Variants in GLYR1 observed in about 807,000 individuals in gnomAD.
The protein encoded by GLYR1 is glyoxylate reductase 1 homolog, also known as cytokine-like nuclear factor N-PAC.
GLYR1 carries 21 observed loss-of-function variants against 72.7 expected under a neutral mutation model. The observed-to-expected ratio is 0.29, with a 90% confidence interval of 0.20 to 0.42. The LOEUF (loss-of-function observed/expected upper bound fraction) is 0.42, where lower values mean the gene tolerates loss of function less well. GLYR1 is among the 10% of genes least tolerant of loss of function. The probability of loss-of-function intolerance (pLI) is 1.00; values close to 1 mark genes in which losing one functional copy is unlikely to be tolerated. For synonymous variants in GLYR1, 392 were observed against 270.2 expected (o/e 1.45, Z -4.42); for missense variants, 594 against 712.1 (o/e 0.83, Z 1.89).
At chr16:4,837,932 A>AACAT (rs766462427) in intron 3 of GLYR1, among the ~76,000 whole-genome samples, 38 of 142,512 alleles carry the variant, frequency 2.7e-4, no homozygotes, top group South Asian at 1.1e-3. Context: ...TCCATCTCAA[A>AACAT]AAATAAATAA....
At chr16:4,811,353 ACGGTCC>A in intron 14 of GLYR1, 59 bp from the exon 15 acceptor site, 1 of 1,603,552 alleles carries the variant, frequency 6.2e-7, no homozygotes, top group Non-Finnish European at 8.5e-7. Flanking sequence ...AAAACTACTT[ACGGTCC>A]ACCAGGTGTC....
intron 15 of GLYR1, among the ~76,000 whole-genome samples, chr16:4,809,700 G>A (rs2083216051): frequency 6.6e-6 from 1 of 151,124 alleles, no homozygotes; most frequent in East Asian, 1.9e-4. Flanking sequence ...GAGGTGGACG[G>A]ATCACCTGAG....
chr16:4,807,959 C>T (rs1007187941), intron 15 of GLYR1, among the ~76,000 whole-genome samples: 3 of 152,052 alleles, frequency 2.0e-5, no homozygotes, highest in Non-Finnish European at 2.9e-5. Context: ...AACAAGGCTG[C>T]ATGCGGTGGC....
chr16:4,841,173 G>C (rs914511304), intron 3 of GLYR1, among the ~76,000 whole-genome samples: 15 of 152,044 alleles, frequency 9.9e-5, no homozygotes, highest in Non-Finnish European at 1.6e-4. Flanking sequence ...CACCATCCAG[G>C]CTATTTTTGT....
chr16:4,820,006 G>T (rs1399798630), intron 9 of GLYR1, among the ~76,000 whole-genome samples: 1 of 152,184 alleles, frequency 6.6e-6, no homozygotes, highest in Non-Finnish European at 1.5e-5. Flanking sequence ...TAAAGCTTCT[G>T]GATTTTTTTG....
intron 5 of GLYR1, among the ~76,000 whole-genome samples, chr16:4,828,861 G>C (rs1038337853): frequency 3.3e-5 from 5 of 152,014 alleles, no homozygotes; most frequent in Non-Finnish European, 5.9e-5. Flanking sequence ...CCTCTCCTTT[G>C]TACTTCCCTT....
intron 3 of GLYR1, among the ~76,000 whole-genome samples, chr16:4,838,272 C>T (rs1018760359): frequency 6.6e-6 from 1 of 152,194 alleles, no homozygotes; most frequent in African/African-American, 2.4e-5. Context: ...ACTTTCAGTA[C>T]TGACTCAGAC....
intron 2 of GLYR1, among the ~76,000 whole-genome samples, 174 bp from the exon 3 acceptor site, chr16:4,845,327 A>C (rs560945912): frequency 3.3e-5 from 5 of 152,326 alleles, no homozygotes; most frequent in Admixed American, 2.6e-4. Context: ...TACTTGTCTA[A>C]ATCTCCCATT....
rs574400870 is a variant in GLYR1, at chr16:4,831,359, C to T, written c.537+620G>A. 6.6e-4 allele frequency among the ~76,000 whole-genome samples: 100 copies of T among 152,304 alleles called. 1 individual carries two copies. The highest frequency in any genetic ancestry group is 2.3e-3 in the African/African-American group (95 of 41,570). On this transcript the variant is annotated intron_variant, in intron 5 of 15. Transcript: ENST00000321919. ...CACTGGCTCAGTCACCTTCCCGGGC[C>T]CCCACTGACTCCAAGACGCTTTAGT...
intron 9 of GLYR1, 91 bp from the exon 10 acceptor site, chr16:4,817,788 C>T: frequency 1.2e-6 from 1 of 820,246 alleles, no homozygotes; most frequent in Non-Finnish European, 2.1e-6. Context: ...CTCCCTTATA[C>T]AGCTTGGGGT....
intron 9 of GLYR1, chr16:4,818,002 C>CTTT (rs61285093): frequency 1.5e-3 from 322 of 219,638 alleles, no homozygotes; most frequent in Middle Eastern, 3.3e-3. Context: ...CCTTGCTGCC[C>CTTT]TTTTTTTTTT....
At chr16:4,825,255 C>T (rs377475094) in intron 5 of GLYR1, among the ~76,000 whole-genome samples, 20 of 152,284 alleles carry the variant, frequency 1.3e-4, no homozygotes, top group African/African-American at 4.1e-4. Flanking sequence ...CAAGTTCTGC[C>T]GTCTCCCACC....
chr16:4,831,447 G>A (rs1403408781), intron 5 of GLYR1, among the ~76,000 whole-genome samples: 1 of 151,980 alleles, frequency 6.6e-6, no homozygotes, highest in Non-Finnish European at 1.5e-5. Flanking sequence ...CCTTTTTCTC[G>A]GCTTTCCTCA....
intron 3 of GLYR1, among the ~76,000 whole-genome samples, chr16:4,834,295 C>CTTTT (rs778256795): frequency 3.5e-4 from 42 of 118,342 alleles, no homozygotes; most frequent in African/African-American, 9.9e-4. Flanking sequence ...AGGCAAATTC[C>CTTTT]TTTTTTTTTT....
chr16:4,822,448 C>T (rs1031736137), intron 7 of GLYR1, among the ~76,000 whole-genome samples: 1 of 151,204 alleles, frequency 6.6e-6, no homozygotes, highest in African/African-American at 2.4e-5. Context: ...TGGAGTGCAG[C>T]GACGCAATCT....
At chr16:4,831,189 T>C (rs972012962) in intron 5 of GLYR1, among the ~76,000 whole-genome samples, 2 of 152,198 alleles carry the variant, frequency 1.3e-5, no homozygotes, top group African/African-American at 4.8e-5. Flanking sequence ...GAACTCTTCC[T>C]CTGAAGTGCC....
chr16:4,843,594 TG>T (rs1415663084), intron 3 of GLYR1: 1 of 1,289,170 alleles, frequency 7.8e-7, no homozygotes, highest in South Asian at 1.2e-5. Context: ...GAAATGGGGC[TG>T]GGTCTATCTG....
rs78672035 is a variant in GLYR1, at chr16:4,806,126, G to A, written c.1588-816C>T. Among the ~76,000 whole-genome samples, 519 of 152,312 alleles carry A rather than the reference G, an allele frequency of 3.4e-3. 2 individuals are homozygous for A. The highest frequency in any genetic ancestry group is 0.012 in the African/African-American group (493 of 41,554). The stretch of plus-strand genomic sequence containing the variant: ...TGCTTCTGCCCCCAGGGGACATCTG[G>A]TAATATCTGGAGACATTTTCTGTCA... On this transcript the variant is annotated intron_variant, in intron 15 of 15. Transcript: ENST00000321919.
chr16:4,833,011 T>C (rs1011878104), intron 3 of GLYR1, 99 bp from the exon 4 acceptor site: 1 of 1,186,542 alleles, frequency 8.4e-7, no homozygotes, highest in Non-Finnish European at 1.1e-6. Context: ...CCATTTGGTT[T>C]AACTGGACTT....
Sources: allele counts gnomAD v4.1 joint callset (sites outside exome capture counted in the v4.1 genomes callset), GRCh38; gene constraint gnomAD v4.1.1; transcripts MANE v1.5; gene names NCBI Gene and HGNC (gene_info 2026-07-23, HGNC 2026-07-21).